Variants in GRAMD2A observed in about 807,000 individuals in gnomAD.
GRAMD2A encodes the protein GRAM domain-containing protein 2A.
GRAMD2A carries 37 observed loss-of-function variants against 51.1 expected under a neutral mutation model. That is an observed-to-expected ratio of 0.72 (90% CI 0.56 to 0.95). The LOEUF (loss-of-function observed/expected upper bound fraction) is 0.95, where lower values mean the gene tolerates loss of function less well. Among genes scored for constraint, GRAMD2A ranks in the 40% least tolerant of loss-of-function variants. The pLI, the probability that GRAMD2A is intolerant of heterozygous loss-of-function variation, is 0.00. For missense variants in GRAMD2A, 414 were observed against 426.9 expected (o/e 0.97, Z 0.27); for synonymous variants, 136 against 157.1 (o/e 0.87, Z 1.01).
chr15:72,167,961 C>G (rs996553236), intron 4 of GRAMD2A, 122 bp from the exon 5 acceptor site: 1 of 705,292 alleles, frequency 1.4e-6, no homozygotes. Flanking sequence ...TCAGACTCCC[C>G]CTTCCCCACC....
chr15:72,174,994 G>C (rs879492897), intron 1 of GRAMD2A, among the ~76,000 whole-genome samples: 1 of 151,864 alleles, frequency 6.6e-6, no homozygotes, highest in Non-Finnish European at 1.5e-5. Context: ...ACACCCTCCC[G>C]AGCTTCACCC....
chr15:72,169,934 T>C lies in GRAMD2A; in HGVS notation c.47A>G (p.Gln16Arg), dbSNP rs763419576. 42 of 1,613,902 alleles carry C rather than the reference T, an allele frequency of 2.6e-5. No individual in the cohort carries two copies. Among genetic ancestry groups the C allele is most frequent in the Non-Finnish European group, 2.3e-5 (27 of 1,179,788 alleles). The change falls in exon 2 of 12, where the codon CAA becomes CGA. Residue 16 changes from glutamine (Q) to arginine (R), a missense_variant. Transcript: ENST00000309731. ...RSEATEEGGN[Q>R]QMHRKTASLN... ...AGAAGCTGTCTTTCTGTGCATTTGT[T>C]GGTTGCTAGGGAAAAACAGGCCCAT...
chr15:72,168,800 C>G (rs2081577124), intron 3 of GRAMD2A, 139 bp downstream of exon 3: 2 of 805,788 alleles, frequency 2.5e-6, no homozygotes, highest in Admixed American at 3.9e-5. Flanking sequence ...ACACTACTCC[C>G]ACCCAGGAAG....
chr15:72,187,112 A>G (rs558440969), intron 1 of GRAMD2A, among the ~76,000 whole-genome samples: 1 of 152,100 alleles, frequency 6.6e-6, no homozygotes, highest in East Asian at 1.9e-4. Context: ...GTGAGCTGAG[A>G]TAGCGCCACT....
At chr15:72,162,766 G>T (rs1423083692) in intron 10 of GRAMD2A, 1 of 216,880 alleles carries the variant, frequency 4.6e-6, no homozygotes, top group African/African-American at 2.3e-5. Flanking sequence ...TGCTGATGTT[G>T]ATGGTCAAAA....
In GRAMD2A at chr15:72,166,628, A is replaced by G; in HGVS notation, c.543+4T>C. On this transcript the variant is annotated splice_donor_region_variant and intron_variant, in intron 7 of 11. Coordinates refer to ENST00000309731, the MANE Select transcript of GRAMD2A (RefSeq NM_001012642.3). The surrounding 1 kb of genome is among the most constrained non-coding windows in gnomAD (Gnocchi z 4.1). Reference sequence around the variant, plus strand: ...CCTGGCCTTCCTGCTCCCAAGCTCCATACCTGTAGGTGGGTGCAGACTCTC... The same window carrying G: ...CCTGGCCTTCCTGCTCCCAAGCTCCGTACCTGTAGGTGGGTGCAGACTCTC... 1 of 1,612,110 alleles carries G rather than the reference A, an allele frequency of 6.2e-7. No individual in the cohort carries two copies. The highest frequency in any genetic ancestry group is 8.5e-7 in the Non-Finnish European group (1 of 1,178,406).
chr15:72,174,155 C>T (rs2081634880), intron 1 of GRAMD2A, among the ~76,000 whole-genome samples: 3 of 152,064 alleles, frequency 2.0e-5, no homozygotes, highest in South Asian at 2.1e-4. Context: ...TGTCTTCTCC[C>T]CTGTAGTGTT....
intron 1 of GRAMD2A, among the ~76,000 whole-genome samples, chr15:72,185,283 T>G (rs1596696643): frequency 6.7e-6 from 1 of 148,774 alleles, no homozygotes; most frequent in East Asian, 2.1e-4. Flanking sequence ...AACCTCTACC[T>G]CCCAGGTTCA....
chr15:72,178,899 C>T (rs1348954474), intron 1 of GRAMD2A, among the ~76,000 whole-genome samples: 1 of 152,058 alleles, frequency 6.6e-6, no homozygotes, highest in Non-Finnish European at 1.5e-5. Context: ...AGAAGCTGTA[C>T]CTCCCTTTTT....
chr15:72,162,500 C>T, intron 10 of GRAMD2A, 123 bp from the exon 11 acceptor site: 3 of 671,488 alleles, frequency 4.5e-6, no homozygotes, highest in Admixed American at 2.6e-5. Context: ...AGCCCTTTGT[C>T]CTGCAGCCAG....
intron 1 of GRAMD2A, among the ~76,000 whole-genome samples, chr15:72,189,292 T>G (rs1475958767): frequency 6.6e-6 from 1 of 152,232 alleles, no homozygotes; most frequent in East Asian, 1.9e-4. Flanking sequence ...AAAATGAACT[T>G]TGCCAAATCT....
At chr15:72,196,300 G>A (rs2081804693) in intron 1 of GRAMD2A, among the ~76,000 whole-genome samples, 1 of 152,112 alleles carries the variant, frequency 6.6e-6, no homozygotes, top group Non-Finnish European at 1.5e-5. Flanking sequence ...TGGATCACCT[G>A]AGGTCAGGAG....
intron 1 of GRAMD2A, among the ~76,000 whole-genome samples, chr15:72,183,891 C>A (rs2081716285): frequency 6.6e-6 from 1 of 152,180 alleles, no homozygotes. Flanking sequence ...GCTCCTCCTC[C>A]TTTTCTCCTG....
intron 1 of GRAMD2A, among the ~76,000 whole-genome samples, chr15:72,183,565 C>T (rs1338486853): frequency 6.6e-6 from 1 of 151,932 alleles, no homozygotes; most frequent in African/African-American, 2.4e-5. Flanking sequence ...CATGGTGGCT[C>T]ACGCCTGTAA....
At chr15:72,167,655 G>T in intron 5 of GRAMD2A, 81 bp downstream of exon 5, 1 of 1,065,582 alleles carries the variant, frequency 9.4e-7, no homozygotes, top group Non-Finnish European at 1.5e-6. Flanking sequence ...AGAGAGATAG[G>T]CATGACTTTG....
rs2081546926 is a variant in GRAMD2A at position 72,166,540 on chromosome 15, G to A, written c.543+92C>T. ...TCTCCCTGCCCCATTCCCTGTGCTG[G>A]AGAGATGGGCGACCTCCCCCAACAC... On this transcript the variant is annotated intron_variant, in intron 7 of 11. Coordinates refer to ENST00000309731, the MANE Select transcript of GRAMD2A (RefSeq NM_001012642.3). The surrounding 1 kb of genome is among the most constrained non-coding windows in gnomAD (Gnocchi z 4.1). 2.2e-6 allele frequency: 2 copies of A among 898,970 alleles called. No homozygotes were observed. The highest frequency in any genetic ancestry group is 1.6e-5 in the African/African-American group (1 of 61,436). 55.7% of individuals were successfully genotyped at this position (898,970 alleles called of 1,614,324 possible). A position where few individuals can be genotyped will look rare whatever the true frequency, so the allele number is the denominator to read the frequency against.
chr15:72,169,018 T>G (rs981004923), intron 2 of GRAMD2A, 22 bp from the exon 3 acceptor site: 3 of 1,612,644 alleles, frequency 1.9e-6, no homozygotes, highest in African/African-American at 2.7e-5. Flanking sequence ...ACATTCCATT[T>G]CGGGAACAAG....
At chr15:72,180,611 C>T (rs1487944991) in intron 1 of GRAMD2A, among the ~76,000 whole-genome samples, 1 of 152,238 alleles carries the variant, frequency 6.6e-6, no homozygotes. Flanking sequence ...GGGATACCCA[C>T]CTCAGAATTA....
At chr15:72,178,045 G>C (rs1465410897) in intron 1 of GRAMD2A, among the ~76,000 whole-genome samples, 1 of 152,080 alleles carries the variant, frequency 6.6e-6, no homozygotes, top group South Asian at 2.1e-4. Flanking sequence ...GCTTTTAAAG[G>C]CTCCCAGGTG....
Sources: allele counts gnomAD v4.1 joint callset (sites outside exome capture counted in the v4.1 genomes callset), GRCh38; gene constraint gnomAD v4.1.1; non-coding constraint Gnocchi (gnomAD v3.1); transcripts MANE v1.5; gene names NCBI Gene and HGNC (gene_info 2026-07-23, HGNC 2026-07-21).